HIGD1A: variants seen among roughly 807,000 people sequenced by gnomAD.
HIGD1A encodes the protein HIG1 hypoxia inducible domain family member 1A, also known as HIG1 domain family member 1A, mitochondrial.
Under a neutral mutation model 11.3 loss-of-function variants are expected in HIGD1A, and 8 were observed. The ratio of observed to expected loss-of-function variants is 0.71; its 90% confidence interval spans 0.42 to 1.28. HIGD1A has a LOEUF of 1.28. Among genes scored for constraint, HIGD1A ranks in the 50% most tolerant of loss-of-function variants. The pLI is 0.01. For synonymous variants in HIGD1A, 32 were observed against 38.4 expected, an observed-to-expected ratio of 0.83 and a Z score of 0.62; for missense variants, 107 against 118.8, an observed-to-expected ratio of 0.90 and a Z score of 0.46.
At chr3:42,799,297 T>TAAAAAAA (rs532630050) in intron 1 of HIGD1A, among the ~76,000 whole-genome samples, 1 of 114,582 alleles carries the variant, frequency 8.7e-6, no homozygotes, top group African/African-American at 3.8e-5. Context: ...AAAAATAAAT[T>TAAAAAAA]AAAAAAAAAA....
chr3:42,793,086 TA>T (rs1254182811), intron 2 of HIGD1A, among the ~76,000 whole-genome samples: 4 of 151,572 alleles, frequency 2.6e-5, no homozygotes, highest in African/African-American at 2.4e-5. Flanking sequence ...TTTGTGAAGA[TA>T]AAAAAAGAAA....
rs921085180 is a variant in HIGD1A at position 42,783,652 on chromosome 3, A to G, written c.*1619T>C. On this transcript the variant is annotated 3_prime_UTR_variant, in exon 4 of 4. Transcript: ENST00000321331. ...CAAACAAACAAACAAACAGTATAAG[A>G]GTAAAATCCAATAATATATCGACCA... Among the ~76,000 whole-genome samples, 4 of 152,178 alleles carry G rather than the reference A, an allele frequency of 2.6e-5. No individual in the cohort carries two copies. Among genetic ancestry groups the G allele is most frequent in the Admixed American group, 2.6e-4 (4 of 15,280 alleles).
chr3:42,786,109 T>A lies in HIGD1A; in HGVS notation c.151A>T (p.Arg51Trp). 1 of 1,614,036 alleles carries A rather than the reference T, an allele frequency of 6.2e-7. No individual in the cohort carries two copies. Among genetic ancestry groups the A allele is most frequent in the Non-Finnish European group, 8.5e-7 (1 of 1,179,972 alleles). Reference sequence around the variant, plus strand: ...TGAATGGACATTTTAGTATTTCCCCTGCTCTTCAGTTTATATAATCCATAT... The same window carrying A: ...TGAATGGACATTTTAGTATTTCCCCAGCTCTTCAGTTTATATAATCCATAT... ...VAYGLYKLKS[R>W]GNTKMSIHLI... The change falls in exon 3 of 4, where the codon AGG becomes TGG. Residue 51 changes from arginine to tryptophan, a missense_variant. Transcript: ENST00000321331.
At chr3:42,802,278 C>T (rs1700575178) in intron 1 of HIGD1A, among the ~76,000 whole-genome samples, 1 of 151,900 alleles carries the variant, frequency 6.6e-6, no homozygotes, top group Non-Finnish European at 1.5e-5. Flanking sequence ...GACTCTGAAG[C>T]TTGTATGGAT....
chr3:42,789,444 T>C (rs1045550099), intron 2 of HIGD1A, among the ~76,000 whole-genome samples: 8 of 151,356 alleles, frequency 5.3e-5, no homozygotes, highest in Admixed American at 1.3e-4. Context: ...GGTAGGAGGA[T>C]TGCTTGAGGC....
At chr3:42,787,594 AATATAT>A (rs1163603645) in intron 2 of HIGD1A, among the ~76,000 whole-genome samples, 8 of 141,250 alleles carry the variant, frequency 5.7e-5, no homozygotes, top group African/African-American at 2.1e-4. Flanking sequence ...CCATCTCAAA[AATATAT>A]ATATATATAT....
intron 1 of HIGD1A, among the ~76,000 whole-genome samples, chr3:42,802,599 A>C (rs1559679550): frequency 6.6e-6 from 1 of 152,246 alleles, no homozygotes; most frequent in Non-Finnish European, 1.5e-5. Flanking sequence ...TTCATGGTTT[A>C]TAGCCACCTG....
chr3:42,783,627 C>G lies in HIGD1A; in HGVS notation c.*1644G>C, dbSNP rs527955520. 1.3e-5 allele frequency among the ~76,000 whole-genome samples: 2 copies of G among 151,940 alleles called. No individual in the cohort carries two copies. The highest frequency in any genetic ancestry group is 2.9e-5 in the Non-Finnish European group (2 of 67,970). On this transcript the variant is annotated 3_prime_UTR_variant, in exon 4 of 4. Coordinates refer to ENST00000321331, the MANE Select transcript of HIGD1A (RefSeq NM_014056.4). ...AAGACTCTGTCTCAAAATAAACAAA[C>G]AAACAAACAAACAAACAGTATAAGA...
chr3:42,782,922 A>G lies in HIGD1A; in HGVS notation c.*2349T>C, dbSNP rs947305388. Among the ~76,000 whole-genome samples, 1 of 152,258 alleles carries G rather than the reference A, an allele frequency of 6.6e-6. No individual in the cohort carries two copies. The highest frequency in any genetic ancestry group is 1.5e-5 in the Non-Finnish European group (1 of 68,042). ...TGACTTTAGGCTTCTCTATAGCAAT[A>G]CTTTAATATTCCAAAGAAAAATATG... On this transcript the variant is annotated 3_prime_UTR_variant, in exon 4 of 4. Transcript: ENST00000321331.
chr3:42,791,194 A>C (rs1007334366), intron 2 of HIGD1A, among the ~76,000 whole-genome samples: 10 of 152,218 alleles, frequency 6.6e-5, no homozygotes, highest in African/African-American at 2.2e-4. Context: ...TAGAAAATTA[A>C]AGTATCCATA....
chr3:42,803,655 G>A (rs73829293), intron 1 of HIGD1A, among the ~76,000 whole-genome samples: 1,958 of 152,304 alleles, frequency 0.013, 49 homozygotes, highest in African/African-American at 0.044. Flanking sequence ...GATCCCTGTC[G>A]TGGGGATTAC....
At chr3:42,800,531 T>A (rs893137634) in intron 1 of HIGD1A, among the ~76,000 whole-genome samples, 1 of 151,890 alleles carries the variant, frequency 6.6e-6, no homozygotes, top group African/African-American at 2.4e-5. Context: ...TCCCTTTCCA[T>A]CCCCTTCAGA....
intron 2 of HIGD1A, among the ~76,000 whole-genome samples, chr3:42,787,225 C>T (rs765384531): frequency 3.3e-5 from 5 of 151,850 alleles, no homozygotes; most frequent in Admixed American, 6.6e-5. Flanking sequence ...AAAACACATC[C>T]TAGTTTGACA....
chr3:42,796,448 A>ATTTT (rs1700501146), intron 1 of HIGD1A, among the ~76,000 whole-genome samples: 4 of 134,392 alleles, frequency 3.0e-5, no homozygotes, highest in Non-Finnish European at 5.2e-5. Flanking sequence ...TTTTTTTTTA[A>ATTTT]AAAAAAAAGA....
At position 42,804,442 on chromosome 3, in the gene HIGD1A, C is replaced by A; in HGVS notation, c.-29G>T. 2.1e-6 allele frequency: 1 copy of A among 478,092 alleles called. No individual in the cohort carries two copies. The highest frequency in any genetic ancestry group is 3.3e-5 in the South Asian group (1 of 30,200). 29.6% of individuals were successfully genotyped at this position (478,092 alleles called of 1,614,324 possible). Reference sequence around the variant, plus strand: ...CCCGGCTTGTTTCGCTTACCTAGAGCGAGAAAACCTCTCACACCCCAACCG... The same window carrying A: ...CCCGGCTTGTTTCGCTTACCTAGAGAGAGAAAACCTCTCACACCCCAACCG... On this transcript the variant is annotated 5_prime_UTR_variant, in exon 1 of 4. Coordinates refer to ENST00000321331, the MANE Select transcript of HIGD1A (RefSeq NM_014056.4).
Position 42,784,135 on chromosome 3 carries a change from G to GA in HIGD1A, c.*1135dup, listed in dbSNP as rs1260896666. On this transcript the variant is annotated 3_prime_UTR_variant, in exon 4 of 4. Transcript: ENST00000321331. Reference sequence around the variant, plus strand: ...ATAGAACAAAAATTACCCACAAAAGGAAAAAAAATAAAACATACCATAAAG... The same window carrying GA: ...ATAGAACAAAAATTACCCACAAAAGGAAAAAAAAATAAAACATACCATAAAG... Among the ~76,000 whole-genome samples the GA allele has an allele frequency of 2.0e-5, 3 of 148,682 alleles. No individual in the cohort carries two copies. Among genetic ancestry groups the GA allele is most frequent in the Non-Finnish European group, 3.0e-5 (2 of 67,146 alleles).
chr3:42,792,161 T>C (rs1321504659), intron 2 of HIGD1A, among the ~76,000 whole-genome samples: 3 of 152,190 alleles, frequency 2.0e-5, no homozygotes, highest in Non-Finnish European at 4.4e-5. Flanking sequence ...TTCTGTTTTA[T>C]GTACTTTTGC....
At chr3:42,791,494 GA>G (rs1274258599) in intron 2 of HIGD1A, among the ~76,000 whole-genome samples, 8 of 152,176 alleles carry the variant, frequency 5.3e-5, no homozygotes, top group Non-Finnish European at 1.2e-4. Flanking sequence ...CTCAAAGAAT[GA>G]TAATATCTAG....
At chr3:42,796,721 C>T (rs34336220) in intron 1 of HIGD1A, among the ~76,000 whole-genome samples, 26,419 of 151,796 alleles carry the variant, frequency 0.17, 2,456 homozygotes, top group South Asian at 0.26. Context: ...TGAAGCTGTC[C>T]TCTTGTGCTG....
Sources: allele counts gnomAD v4.1 joint callset (sites outside exome capture counted in the v4.1 genomes callset), GRCh38; gene constraint gnomAD v4.1.1; transcripts MANE v1.5; gene names NCBI Gene and HGNC (gene_info 2026-07-23, HGNC 2026-07-21).